The following EXOC6B variants were observed in gnomAD, a reference collection of about 807,000 sequenced individuals.
EXOC6B encodes exocyst complex component 6B.
EXOC6B carries 54 observed loss-of-function variants against 113.5 expected under a neutral mutation model. That is an observed-to-expected ratio of 0.48 (90% CI 0.38 to 0.60). The LOEUF is 0.60. Among genes scored for constraint, EXOC6B ranks in the 20% least tolerant of loss-of-function variants. EXOC6B has a pLI of 0.00. For synonymous variants in EXOC6B, 357 were observed against 339.0 expected, an observed-to-expected ratio of 1.05 and a Z score of -0.58; for missense variants, 797 against 977.5, an observed-to-expected ratio of 0.82 and a Z score of 2.46.
intron 6 of EXOC6B, among the ~76,000 whole-genome samples, chr2:72,601,231 G>A (rs1439499356): frequency 1.3e-5 from 2 of 151,350 alleles, no homozygotes; most frequent in African/African-American, 4.9e-5. Flanking sequence ...CACCCAGGCT[G>A]GAGTGCAGTG....
chr2:72,346,664 A>T (rs1439240669), intron 19 of EXOC6B, among the ~76,000 whole-genome samples: 1 of 152,196 alleles, frequency 6.6e-6, no homozygotes, highest in Non-Finnish European at 1.5e-5. Flanking sequence ...ATCTAAGGAA[A>T]TATTCTAAAT....
At chr2:72,674,602 C>A (rs940443851) in intron 6 of EXOC6B, among the ~76,000 whole-genome samples, 2 of 151,948 alleles carry the variant, frequency 1.3e-5, no homozygotes, top group Admixed American at 6.6e-5. Flanking sequence ...GAGGCCGAGG[C>A]GGGCGGATCA....
At chr2:72,536,882 T>G (rs567754824) in intron 8 of EXOC6B, among the ~76,000 whole-genome samples, 1 of 152,178 alleles carries the variant, frequency 6.6e-6, no homozygotes, top group Non-Finnish European at 1.5e-5. Flanking sequence ...GAGGAGAAAT[T>G]AACAACTTTG....
rs76838199 is a variant in EXOC6B at position 72,664,407 on chromosome 2, G to T, written c.669+53696C>A. Among the ~76,000 whole-genome samples, 158 of 152,240 alleles carry T rather than the reference G, an allele frequency of 1.0e-3. 1 individual carries two copies. Among genetic ancestry groups the T allele is most frequent in the Non-Finnish European group, 2.0e-3 (138 of 68,002 alleles). On this transcript the variant is annotated intron_variant, in intron 6 of 21. Transcript: ENST00000272427. ...CCTTGAATGGCTCCTAGGGAAGCGG[G>T]GAGTGACATTGAGGGTGGGATGGCC...
At chr2:72,513,451 A>G (rs1402519682) in intron 10 of EXOC6B, among the ~76,000 whole-genome samples, 199 bp from the exon 11 acceptor site, 2 of 152,112 alleles carry the variant, frequency 1.3e-5, no homozygotes, top group Non-Finnish European at 2.9e-5. Context: ...ACATCTTCAT[A>G]ACCACTCCTA....
At chr2:72,249,990 T>C (rs988824155) in intron 20 of EXOC6B, among the ~76,000 whole-genome samples, 5 of 152,226 alleles carry the variant, frequency 3.3e-5, no homozygotes, top group Non-Finnish European at 5.9e-5. Context: ...TTCCTGAATG[T>C]AGTGACTTGG....
At chr2:72,785,773 T>A (rs1478219015) in intron 1 of EXOC6B, among the ~76,000 whole-genome samples, 6 of 152,228 alleles carry the variant, frequency 3.9e-5, no homozygotes, top group Admixed American at 2.6e-4. Context: ...CCTGGAGACA[T>A]TTTCCCCATA....
chr2:72,764,015 G>T (rs546980469), intron 1 of EXOC6B, among the ~76,000 whole-genome samples: 3 of 152,172 alleles, frequency 2.0e-5, no homozygotes, highest in South Asian at 4.2e-4. Context: ...GGAGGTCAAG[G>T]CTCCAGTGAG....
At chr2:72,509,283 C>G (rs1290286404) in intron 11 of EXOC6B, among the ~76,000 whole-genome samples, 1 of 152,128 alleles carries the variant, frequency 6.6e-6, no homozygotes, top group African/African-American at 2.4e-5. Context: ...TTCTCTAGTA[C>G]TATAAGAAAA....
intron 8 of EXOC6B, among the ~76,000 whole-genome samples, chr2:72,558,280 AAG>A (rs1371182853): frequency 6.6e-6 from 1 of 152,064 alleles, no homozygotes; most frequent in Non-Finnish European, 1.5e-5. Context: ...AGGGAGTGTA[AAG>A]GGAGGGAAGA....
chr2:72,453,587 A>C (rs12996385), intron 18 of EXOC6B, among the ~76,000 whole-genome samples: 1,667 of 152,232 alleles, frequency 0.011, 8 homozygotes, highest in Non-Finnish European at 0.017. Flanking sequence ...CAAAGTTATT[A>C]TTTAATTTCA....
chr2:72,416,556 A>G (rs898621135), intron 18 of EXOC6B, among the ~76,000 whole-genome samples: 2 of 152,236 alleles, frequency 1.3e-5, no homozygotes, highest in African/African-American at 4.8e-5. Flanking sequence ...TTTGCTGGGC[A>G]GAAGATGCAG....
chr2:72,363,119 A>G (rs669074), intron 19 of EXOC6B, among the ~76,000 whole-genome samples: 19,464 of 152,040 alleles, frequency 0.13, 1,461 homozygotes, highest in African/African-American at 0.21. Flanking sequence ...AACCAAATAT[A>G]AAACATATAA....
At position 72,646,019 on chromosome 2, in the gene EXOC6B, A is replaced by G. The variant is rs187776218; in HGVS notation, c.670-70351T>C. ...GAATCCAGGAGCTGGTTTTTTGAAAAGATCAACAAAATTGATAGACCATTA... is the reference window on the plus strand; with the variant it reads ...GAATCCAGGAGCTGGTTTTTTGAAAGGATCAACAAAATTGATAGACCATTA... On this transcript the variant is annotated intron_variant, in intron 6 of 21. Coordinates refer to ENST00000272427, the MANE Select transcript of EXOC6B (RefSeq NM_015189.3). 1.2e-4 allele frequency among the ~76,000 whole-genome samples: 19 copies of G among 152,276 alleles called. No homozygotes were observed. In the East Asian group the frequency reaches 3.3e-3, roughly 26 times the overall value.
chr2:72,475,214 T>G (rs2105464880), intron 17 of EXOC6B, among the ~76,000 whole-genome samples: 1 of 152,196 alleles, frequency 6.6e-6, no homozygotes, highest in South Asian at 2.1e-4. Context: ...GGGCCAATTG[T>G]TGAGTTTCCA....
At chr2:72,185,727 T>C (rs1380224495) in intron 20 of EXOC6B, among the ~76,000 whole-genome samples, 4 of 145,432 alleles carry the variant, frequency 2.8e-5, no homozygotes, top group Non-Finnish European at 5.9e-5. Flanking sequence ...TACTCTAGTA[T>C]CAGTATTTCT....
chr2:72,505,343 T>C (rs912407711), intron 11 of EXOC6B, among the ~76,000 whole-genome samples: 2 of 152,084 alleles, frequency 1.3e-5, no homozygotes, highest in African/African-American at 2.4e-5. Flanking sequence ...TGACCTCCTA[T>C]GCCACCGACC....
chr2:72,306,304 A>G (rs1686854649), intron 20 of EXOC6B, among the ~76,000 whole-genome samples: 1 of 152,240 alleles, frequency 6.6e-6, no homozygotes, highest in Non-Finnish European at 1.5e-5. Context: ...TACCTTAAAT[A>G]ATGACTCAAA....
intron 20 of EXOC6B, among the ~76,000 whole-genome samples, chr2:72,274,803 C>CAA: frequency 6.6e-6 from 1 of 152,244 alleles, no homozygotes; most frequent in East Asian, 1.9e-4. Flanking sequence ...GCCAGCCTGT[C>CAA]AAAAGCACAG....
Sources: gnomAD v4.1 joint callset for allele counts (sites outside exome capture counted in the v4.1 genomes callset) on GRCh38, gnomAD v4.1.1 for gene constraint, MANE v1.5 for transcripts, NCBI Gene and HGNC (gene_info 2026-07-23, HGNC 2026-07-21) for gene names.